TRPC4: variants seen among roughly 807,000 people sequenced by gnomAD.
The protein encoded by TRPC4 is transient receptor potential cation channel subfamily C member 4.
In TRPC4, 49 loss-of-function variants were observed where a neutral mutation model predicts 99.4. The ratio of observed to expected loss-of-function variants is 0.49; its 90% confidence interval spans 0.39 to 0.63. TRPC4 has a LOEUF of 0.63. TRPC4 is among the 20% of genes least tolerant of loss of function. TRPC4 has a pLI of 0.00. For missense variants in TRPC4, 898 were observed against 1,152.9 expected (o/e 0.78, Z 3.20); for synonymous variants, 454 against 425.9 (o/e 1.07, Z -0.81).
At chr13:37,763,910 G>A (rs1369997032) in intron 2 of TRPC4, among the ~76,000 whole-genome samples, 2 of 151,576 alleles carry the variant, frequency 1.3e-5, no homozygotes, top group East Asian at 3.9e-4. Flanking sequence ...GGTGACTAAC[G>A]CATGATGAAG....
At chr13:37,729,171 C>A (rs2139073652) in intron 3 of TRPC4, among the ~76,000 whole-genome samples, 1 of 152,136 alleles carries the variant, frequency 6.6e-6, no homozygotes, top group East Asian at 1.9e-4. Flanking sequence ...GGCAAAGAAC[C>A]TGTGTAGATG....
chr13:37,702,287 G>A (rs1593544187), intron 3 of TRPC4, among the ~76,000 whole-genome samples: 1 of 152,126 alleles, frequency 6.6e-6, no homozygotes, highest in Non-Finnish European at 1.5e-5. Context: ...ATAAAGTCAC[G>A]TTCTGAGGCA....
intron 2 of TRPC4, among the ~76,000 whole-genome samples, chr13:37,761,308 C>T (rs892539130): frequency 6.6e-6 from 1 of 151,818 alleles, no homozygotes; most frequent in Non-Finnish European, 1.5e-5. Context: ...GAATGACAGG[C>T]CTCAGAGAAG....
At chr13:37,768,026 GT>G (rs1239094122) in intron 2 of TRPC4, among the ~76,000 whole-genome samples, 3 of 151,348 alleles carry the variant, frequency 2.0e-5, no homozygotes, top group Non-Finnish European at 3.0e-5. Flanking sequence ...GCTAATAAGA[GT>G]TTTATTATTT....
At position 37,732,466 on chromosome 13, in the gene TRPC4, G is replaced by A. The variant is rs1387341239; in HGVS notation, c.897+13471C>T. Among the ~76,000 whole-genome samples the A allele has an allele frequency of 2.6e-5, 4 of 152,040 alleles. No homozygotes were observed. In the East Asian group the frequency reaches 7.7e-4, roughly 29 times the overall value. ...AACACAGTACTGGAAGTACTAGTAA[G>A]AGCAATTAGGCAAAAGAAAAAAATA... On this transcript the variant is annotated intron_variant, in intron 3 of 10. Transcript: ENST00000379705.
chr13:37,742,406 G>T (rs956725340), intron 3 of TRPC4, among the ~76,000 whole-genome samples: 1 of 152,160 alleles, frequency 6.6e-6, no homozygotes, highest in Non-Finnish European at 1.5e-5. Flanking sequence ...TCATTCAGGT[G>T]CATTCATTAC....
intron 2 of TRPC4, among the ~76,000 whole-genome samples, chr13:37,764,749 C>T (rs1956314012): frequency 6.9e-6 from 1 of 145,864 alleles, no homozygotes. Context: ...TCTTGGTTTG[C>T]TAAAGTTTTT....
intron 3 of TRPC4, among the ~76,000 whole-genome samples, chr13:37,734,465 G>A (rs1369534035): frequency 6.6e-6 from 1 of 152,012 alleles, no homozygotes; most frequent in African/African-American, 2.4e-5. Context: ...CTCTGTGGTG[G>A]GAGCTCCAAT....
chr13:37,804,102 G>A (rs1957471522), intron 1 of TRPC4, among the ~76,000 whole-genome samples: 1 of 152,126 alleles, frequency 6.6e-6, no homozygotes, highest in East Asian at 1.9e-4. Context: ...TTTAAGTAAC[G>A]CTTTATATGT....
intron 1 of TRPC4, among the ~76,000 whole-genome samples, chr13:37,825,454 G>A (rs1958173790): frequency 1.3e-5 from 2 of 152,152 alleles, no homozygotes; most frequent in Admixed American, 6.5e-5. Flanking sequence ...ATGTGTTCCA[G>A]AGATTCTGTT....
At chr13:37,684,883 T>G (rs1953410260) in intron 4 of TRPC4, among the ~76,000 whole-genome samples, 1 of 150,270 alleles carries the variant, frequency 6.7e-6, no homozygotes, top group Non-Finnish European at 1.5e-5. Context: ...AAATTTAACT[T>G]TAGAACATAG....
intron 1 of TRPC4, among the ~76,000 whole-genome samples, chr13:37,796,494 GT>G: frequency 6.6e-6 from 1 of 152,046 alleles, no homozygotes; most frequent in Non-Finnish European, 1.5e-5. Flanking sequence ...CAGTGGCTAG[GT>G]TTTTATTATG....
chr13:37,746,239 T>C lies in TRPC4; in HGVS notation c.595A>G (p.Ile199Val), dbSNP rs1955773462. Residue 199 changes from isoleucine (I) to valine (V), a missense_variant, in exon 3 of 11, where the codon ATC becomes GTC. By Grantham distance (29) the Ile-to-Val change is conservative. Around this residue, in one of 3 missense-constraint regions of TRPC4, gnomAD observed 278 missense variants for 346.6 expected, o/e 0.80. Coordinates refer to ENST00000379705, the MANE Select transcript of TRPC4 (RefSeq NM_016179.4). ...SLRHSRSRLN[I>V]YKALASPSLI... The stretch of plus-strand genomic sequence containing the variant: ...GAGGGACTGGCCAAGGCCTTGTAGA[T>C]GTTGAGTCTGGAGCGTGAGTGACGG... The C allele has an allele frequency of 6.2e-7, 1 of 1,613,848 alleles. No homozygotes were observed. The highest frequency in any genetic ancestry group is 1.7e-4 in the Middle Eastern group (1 of 6,056).
rs9635086 is a variant in TRPC4 at position 37,773,284 on chromosome 13, C to T, written c.378+9672G>A. ...AAAGCCAGGAAAACAGAGAAACCTA[C>T]ACTCAAATCTCACTTGAGCAAGTTA... On this transcript the variant is annotated intron_variant, in intron 2 of 10. Transcript: ENST00000379705. Among the ~76,000 whole-genome samples the T allele has an allele frequency of 3.8e-4, 57 of 151,870 alleles. No individual in the cohort carries two copies. The East Asian group carries it at 9.8e-3, about 26-fold the overall frequency.
chr13:37,805,146 T>A (rs1477622399), intron 1 of TRPC4, among the ~76,000 whole-genome samples: 1 of 151,998 alleles, frequency 6.6e-6, no homozygotes, highest in East Asian at 1.9e-4. Flanking sequence ...CCAACATATC[T>A]CCTGCTGAAA....
chr13:37,691,859 G>A, intron 4 of TRPC4, 140 bp downstream of exon 4: 2 of 787,210 alleles, frequency 2.5e-6, no homozygotes, highest in Non-Finnish European at 3.8e-6. Context: ...TTGGCTTTGG[G>A]GGTGAGGTTC....
At chr13:37,786,853 C>T (rs958940979) in intron 1 of TRPC4, among the ~76,000 whole-genome samples, 6 of 151,964 alleles carry the variant, frequency 3.9e-5, no homozygotes. Flanking sequence ...GGAAATAATT[C>T]AACTTCTGAG....
intron 1 of TRPC4, among the ~76,000 whole-genome samples, chr13:37,865,346 A>T (rs1015504505): frequency 4.0e-5 from 6 of 151,780 alleles, no homozygotes; most frequent in African/African-American, 1.4e-4. Context: ...ACCAGCTTAC[A>T]GATGGTCAAA....
At chr13:37,824,957 A>G (rs1958155425) in intron 1 of TRPC4, among the ~76,000 whole-genome samples, 1 of 152,026 alleles carries the variant, frequency 6.6e-6, no homozygotes, top group Admixed American at 6.6e-5. Context: ...TGATCCTGTT[A>G]TTGGTCTATT....
Sources: allele counts gnomAD v4.1 joint callset (sites outside exome capture counted in the v4.1 genomes callset), GRCh38; gene constraint gnomAD v4.1.1; regional missense constraint gnomAD v4.1.1; transcripts MANE v1.5; gene names NCBI Gene and HGNC (gene_info 2026-07-23, HGNC 2026-07-21).